SLC9A9: variants seen among roughly 807,000 people sequenced by gnomAD.
The protein encoded by SLC9A9 is sodium/hydrogen exchanger 9.
A neutral mutation model predicts 77.8 loss-of-function variants in SLC9A9; 62 were observed. The observed-to-expected ratio is 0.80, with a 90% CI of 0.65 to 0.98. The LOEUF (loss-of-function observed/expected upper bound fraction) is 0.98, where lower values mean the gene tolerates loss of function less well. Among genes scored for constraint, SLC9A9 ranks in the 50% least tolerant of loss-of-function variants. The pLI is 0.00. For missense variants in SLC9A9, 775 were observed against 774.9 expected, an observed-to-expected ratio of 1.00 and a Z score of 0.00; for synonymous variants, 320 against 283.5, an observed-to-expected ratio of 1.13 and a Z score of -1.29.
In SLC9A9 at chr3:143,660,566, T is replaced by A. The variant is rs1350986029; in HGVS notation, c.650-8206A>T. Among the ~76,000 whole-genome samples the A allele has an allele frequency of 2.6e-5, 4 of 152,220 alleles. No homozygotes were observed. The East Asian group carries it at 7.7e-4, about 29-fold the overall frequency. On this transcript the variant is annotated intron_variant, in intron 5 of 15. Transcript: ENST00000316549. ...AGAACCCAATTGAACCAACCTGGACTTCTGACCTATGGAACTGTGAGACAA... is the reference window on the plus strand; with the variant it reads ...AGAACCCAATTGAACCAACCTGGACATCTGACCTATGGAACTGTGAGACAA...
intron 4 of SLC9A9, among the ~76,000 whole-genome samples, chr3:143,729,520 G>A (rs931457412): frequency 1.3e-5 from 2 of 152,172 alleles, no homozygotes; most frequent in African/African-American, 4.8e-5. Context: ...TGATAGCAGG[G>A]ACTGTGCCTT....
intron 14 of SLC9A9, among the ~76,000 whole-genome samples, chr3:143,306,068 A>C (rs2030767488): frequency 6.6e-6 from 1 of 152,188 alleles, no homozygotes; most frequent in Admixed American, 6.5e-5. Flanking sequence ...TTTAAAAAAA[A>C]AACCCTCTAA....
intron 14 of SLC9A9, among the ~76,000 whole-genome samples, chr3:143,295,055 G>A (rs1206006534): frequency 6.6e-6 from 1 of 152,216 alleles, no homozygotes; most frequent in African/African-American, 2.4e-5. Flanking sequence ...CCCATGAGCT[G>A]AATCTGGTTT....
At chr3:143,650,616 T>C (rs755411589) in intron 6 of SLC9A9, among the ~76,000 whole-genome samples, 6 of 152,212 alleles carry the variant, frequency 3.9e-5, no homozygotes, top group Non-Finnish European at 7.3e-5. Context: ...CGATTACCCT[T>C]TATTTTACAT....
At chr3:143,745,035 G>A (rs1935170279) in intron 4 of SLC9A9, among the ~76,000 whole-genome samples, 1 of 152,166 alleles carries the variant, frequency 6.6e-6, no homozygotes, top group African/African-American at 2.4e-5. Context: ...GTTGTTTACT[G>A]CTTCAACTTT....
intron 12 of SLC9A9, among the ~76,000 whole-genome samples, chr3:143,447,022 G>A (rs1394400704): frequency 1.3e-5 from 2 of 152,108 alleles, no homozygotes; most frequent in Non-Finnish European, 2.9e-5. Context: ...TCAATATTCT[G>A]CCTTCCTGTT....
At chr3:143,820,459 G>A (rs990301155) in intron 2 of SLC9A9, among the ~76,000 whole-genome samples, 2 of 152,104 alleles carry the variant, frequency 1.3e-5, no homozygotes, top group African/African-American at 4.8e-5. Flanking sequence ...GGTCAATATC[G>A]TACATCCTGG....
chr3:143,572,916 C>T (rs1221205486), intron 8 of SLC9A9, among the ~76,000 whole-genome samples: 2 of 152,190 alleles, frequency 1.3e-5, no homozygotes, highest in Admixed American at 6.5e-5. Context: ...CCAACTACTT[C>T]CTTCCTACCT....
At chr3:143,421,469 C>T (rs530539037) in intron 12 of SLC9A9, among the ~76,000 whole-genome samples, 240 of 151,934 alleles carry the variant, frequency 1.6e-3, no homozygotes, top group Non-Finnish European at 2.8e-3. Context: ...ACACCTACAA[C>T]CAAAGTCAAC....
At position 143,776,063 on chromosome 3, in the gene SLC9A9, T is replaced by C. The variant is rs116769716; in HGVS notation, c.533+18938A>G. Among the ~76,000 whole-genome samples the C allele has an allele frequency of 6.8e-3, 1,032 of 152,324 alleles. 2 individuals are homozygous for C. The highest frequency in any genetic ancestry group is 0.011 in the Non-Finnish European group (755 of 68,030). On this transcript the variant is annotated intron_variant, in intron 4 of 15. Transcript: ENST00000316549. ...CATTGAAGAAATGTACGTGTTCTTA[T>C]CTTTATCATGTTCTAAATAAAATAT...
In SLC9A9 at chr3:143,325,407, C is replaced by T. The variant is rs368086762; in HGVS notation, c.1604+38077G>A. Among the ~76,000 whole-genome samples, 280 of 152,356 alleles carry T rather than the reference C, an allele frequency of 1.8e-3. 1 individual carries two copies. The highest frequency in any genetic ancestry group is 6.5e-3 in the African/African-American group (270 of 41,582). On this transcript the variant is annotated intron_variant, in intron 14 of 15. Coordinates refer to ENST00000316549, the MANE Select transcript of SLC9A9 (RefSeq NM_173653.4). ...TACTTCTCTCTCATTTCCTAACCCT[C>T]TATAACCTAAAACCTTACCCTTGGC...
At chr3:143,375,854 C>T (rs2033171148) in intron 13 of SLC9A9, among the ~76,000 whole-genome samples, 1 of 152,208 alleles carries the variant, frequency 6.6e-6, no homozygotes, top group Non-Finnish European at 1.5e-5. Flanking sequence ...TTATAGTATT[C>T]TTGGTGGCTC....
intron 8 of SLC9A9, among the ~76,000 whole-genome samples, chr3:143,572,426 A>G (rs1042814713): frequency 2.6e-5 from 4 of 152,078 alleles, no homozygotes; most frequent in African/African-American, 9.7e-5. Flanking sequence ...TCTTATTATT[A>G]ATACTACTTG....
intron 9 of SLC9A9, among the ~76,000 whole-genome samples, chr3:143,531,026 T>A (rs1481870866): frequency 6.6e-6 from 1 of 152,236 alleles, no homozygotes; most frequent in Non-Finnish European, 1.5e-5. Flanking sequence ...AAACCTAACA[T>A]GCATATAGTG....
At chr3:143,613,236 T>C (rs757290392) in intron 6 of SLC9A9, among the ~76,000 whole-genome samples, 70 of 152,232 alleles carry the variant, frequency 4.6e-4, no homozygotes, top group Non-Finnish European at 9.8e-4. Context: ...CCTTTCTTTC[T>C]TTTCAAAAAG....
chr3:143,563,307 T>G (rs1206585130), intron 8 of SLC9A9, among the ~76,000 whole-genome samples: 6 of 152,226 alleles, frequency 3.9e-5, no homozygotes, highest in African/African-American at 1.4e-4. Flanking sequence ...CCATTTATAC[T>G]GTTCTCCATG....
chr3:143,511,078 C>G lies in SLC9A9; in HGVS notation c.1090-15630G>C, dbSNP rs555430691. Among the ~76,000 whole-genome samples the G allele has an allele frequency of 2.6e-5, 4 of 152,122 alleles. No homozygotes were observed. The East Asian group carries it at 7.7e-4, about 29-fold the overall frequency. On this transcript the variant is annotated intron_variant, in intron 9 of 15. Transcript: ENST00000316549. ...CAGAGAATTTGGGGGTGCAGAAGAT[C>G]GAGAAAAGAATGCCCACGGGCAATT...
chr3:143,320,965 G>A (rs1357321262), intron 14 of SLC9A9, among the ~76,000 whole-genome samples: 1 of 152,172 alleles, frequency 6.6e-6, no homozygotes, highest in African/African-American at 2.4e-5. Flanking sequence ...GGAAGGGATT[G>A]GAGTGGTGCA....
chr3:143,662,753 G>T (rs2038999338), intron 5 of SLC9A9, among the ~76,000 whole-genome samples: 1 of 152,066 alleles, frequency 6.6e-6, no homozygotes, highest in Non-Finnish European at 1.5e-5. Flanking sequence ...GCTGGGGGAG[G>T]GGTGTCTGCC....
Sources: gnomAD v4.1 joint callset for allele counts (sites outside exome capture counted in the v4.1 genomes callset) on GRCh38, gnomAD v4.1.1 for gene constraint, MANE v1.5 for transcripts, NCBI Gene and HGNC (gene_info 2026-07-23, HGNC 2026-07-21) for gene names.